The following MYO5A variants were observed in gnomAD, a reference collection of about 807,000 sequenced individuals.
MYO5A encodes the protein unconventional myosin-Va.
A neutral mutation model predicts 249.7 loss-of-function variants in MYO5A; 98 were observed. The ratio of observed to expected loss-of-function variants is 0.39; its 90% CI spans 0.33 to 0.46. The LOEUF is 0.46. Among genes scored for constraint, MYO5A ranks in the 20% least tolerant of loss-of-function variants. MYO5A has a pLI of 0.98. For missense variants in MYO5A, 1,696 were observed against 2,308.8 expected (o/e 0.73, Z 5.44); for synonymous variants, 778 against 810.6 (o/e 0.96, Z 0.68).
intron 18 of MYO5A, among the ~76,000 whole-genome samples, chr15:52,377,982 T>TA (rs1399350170): frequency 6.6e-6 from 1 of 152,152 alleles, no homozygotes; most frequent in East Asian, 1.9e-4. Flanking sequence ...CACATATATC[T>TA]AAAAAATCTA....
At chr15:52,313,997 T>C in intron 41 of MYO5A, 126 bp downstream of exon 41, 2 of 1,308,344 alleles carry the variant, frequency 1.5e-6, no homozygotes, top group Non-Finnish European at 2.2e-6. Context: ...AATTAACTAT[T>C]ATCAAAAAAG....
intron 35 of MYO5A, 83 bp downstream of exon 35, chr15:52,330,270 T>C (rs2038828645): frequency 6.4e-7 from 1 of 1,554,424 alleles, no homozygotes. Context: ...CTACGCTGAA[T>C]ATCTCAAAAA....
intron 4 of MYO5A, among the ~76,000 whole-genome samples, chr15:52,424,555 A>G (rs1358389876): frequency 6.6e-6 from 1 of 152,214 alleles, no homozygotes; most frequent in Non-Finnish European, 1.5e-5. Context: ...TTTTATTATT[A>G]AAAGGGCATA....
Position 52,311,629 on chromosome 15 carries a change from AG to A in MYO5A, c.*2066del, listed in dbSNP as rs1342998207. ...ATCATGTACATTTAAGAAAGGTTAC[AG>A]CTACACAAACTTGTGATTTTACATT... On this transcript the variant is annotated 3_prime_UTR_variant, in exon 42 of 42. Transcript: ENST00000399233. 6.6e-6 allele frequency: 1 copy of A among 152,256 alleles called. No individual in the cohort carries two copies. Among genetic ancestry groups the A allele is most frequent in the Admixed American group, 6.5e-5 (1 of 15,288 alleles). The allele number at this position is 152,256 out of a possible 1,614,324, so 9.4% of individuals were successfully genotyped here.
chr15:52,397,510 A>C, intron 9 of MYO5A, 44 bp from the exon 10 acceptor site: 1 of 1,601,730 alleles, frequency 6.2e-7, no homozygotes, highest in Non-Finnish European at 8.6e-7. Context: ...AGATAAATCA[A>C]GTAAGAATCT....
intron 35 of MYO5A, 60 bp from the exon 36 acceptor site, chr15:52,328,066 G>T: frequency 2.2e-6 from 3 of 1,372,166 alleles, no homozygotes; most frequent in Non-Finnish European, 3.1e-6. Context: ...GGCATGCATT[G>T]TGAGATATAA....
rs1163590172 is a variant in MYO5A at position 52,439,463 on chromosome 15, C to A, written c.28-6178G>T. Among the ~76,000 whole-genome samples, 3 of 152,322 alleles carry A rather than the reference C, an allele frequency of 2.0e-5. No homozygotes were observed. The South Asian group carries it at 6.2e-4, about 32-fold the overall frequency. On this transcript the variant is annotated intron_variant, in intron 1 of 41. Coordinates refer to ENST00000399233, the MANE Select transcript of MYO5A (RefSeq NM_001382347.1). ...TTTATGAATCTACCTACCTTCCATACCAGACTATATACTCTTTCAAAGCCA... is the reference window on the plus strand; with the variant it reads ...TTTATGAATCTACCTACCTTCCATAACAGACTATATACTCTTTCAAAGCCA...
At chr15:52,433,999 C>CTTTTTTTTTT (rs398043307) in intron 1 of MYO5A, among the ~76,000 whole-genome samples, 14 of 127,300 alleles carry the variant, frequency 1.1e-4, no homozygotes, top group African/African-American at 1.4e-4. Flanking sequence ...CTTTCTTTTT[C>CTTTTTTTTTT]TTTTTTTTTT....
chr15:52,368,016 C>T (rs1029216148), intron 22 of MYO5A, among the ~76,000 whole-genome samples: 5 of 152,074 alleles, frequency 3.3e-5, no homozygotes, highest in African/African-American at 1.2e-4. Flanking sequence ...TTACTCAGCT[C>T]ATCTTTGGAA....
At chr15:52,505,201 GA>G (rs1276956627) in intron 1 of MYO5A, 2 of 769,364 alleles carry the variant, frequency 2.6e-6, no homozygotes, top group African/African-American at 3.4e-5. Context: ...GGGTTTTGGA[GA>G]CCTGAAAAGC....
At chr15:52,395,200 C>A (rs1488071079) in intron 11 of MYO5A, among the ~76,000 whole-genome samples, 1 of 152,172 alleles carries the variant, frequency 6.6e-6, no homozygotes, top group Non-Finnish European at 1.5e-5. Flanking sequence ...TATCAACTAC[C>A]TTCTGATTTA....
chr15:52,351,090 C>T (rs1490004437), intron 28 of MYO5A, among the ~76,000 whole-genome samples, 164 bp downstream of exon 28: 1 of 152,114 alleles, frequency 6.6e-6, no homozygotes, highest in African/African-American at 2.4e-5. Context: ...TTTATACTTA[C>T]AATAGTTTTA....
At chr15:52,387,667 A>T in intron 14 of MYO5A, 162 bp downstream of exon 14, 3 of 609,554 alleles carry the variant, frequency 4.9e-6, no homozygotes, top group East Asian at 5.7e-5. Context: ...CATTTAGAAC[A>T]GGACCTGACA....
At chr15:52,424,919 T>G (rs1282601204) in intron 4 of MYO5A, among the ~76,000 whole-genome samples, 1 of 152,196 alleles carries the variant, frequency 6.6e-6, no homozygotes, top group Admixed American at 6.5e-5. Context: ...GCAGATGCTG[T>G]TCAGGATAAC....
chr15:52,490,348 T>C lies in MYO5A; in HGVS notation c.27+38432A>G, dbSNP rs138594136. On this transcript the variant is annotated intron_variant, in intron 1 of 41. Transcript: ENST00000399233. ...GATGGAAGCAACCCATGTCCATCAA[T>C]GGATGAATAGATTAAACAAAAATGT... Among the ~76,000 whole-genome samples, 159 of 152,310 alleles carry C rather than the reference T, an allele frequency of 1.0e-3. 2 individuals carry two copies. The East Asian group carries it at 0.029, about 27-fold the overall frequency.
intron 36 of MYO5A, 76 bp downstream of exon 36, chr15:52,327,776 G>A: frequency 1.4e-6 from 2 of 1,410,794 alleles, no homozygotes; most frequent in Non-Finnish European, 2.0e-6. Flanking sequence ...TAAACTCTAA[G>A]GAAGGAAGAT....
chr15:52,346,751 T>C, intron 29 of MYO5A: 1 of 417,908 alleles, frequency 2.4e-6, no homozygotes. Flanking sequence ...GGGCCATATA[T>C]GTGTTTTACA....
chr15:52,356,813 T>A (rs1233410122), intron 25 of MYO5A, among the ~76,000 whole-genome samples: 4 of 125,740 alleles, frequency 3.2e-5, no homozygotes, highest in African/African-American at 1.1e-4. Context: ...TTTTTTTTTT[T>A]TTTTTATTTT....
At chr15:52,490,887 A>T (rs2076921814) in intron 1 of MYO5A, among the ~76,000 whole-genome samples, 1 of 151,838 alleles carries the variant, frequency 6.6e-6, no homozygotes, top group Admixed American at 6.6e-5. Context: ...CATCCAGCTA[A>T]TTTTTTTATT....
Sources: allele counts gnomAD v4.1 joint callset (sites outside exome capture counted in the v4.1 genomes callset), GRCh38; gene constraint gnomAD v4.1.1; transcripts MANE v1.5; gene names NCBI Gene and HGNC (gene_info 2026-07-23, HGNC 2026-07-21).